POGLUT3: variants seen among roughly 807,000 people sequenced by gnomAD.
POGLUT3 encodes the protein protein O-glucosyltransferase 3, also known as KDEL (Lys-Asp-Glu-Leu) containing 2.
POGLUT3 carries 48 observed loss-of-function variants against 54.3 expected under a neutral mutation model. The ratio of observed to expected loss-of-function variants is 0.88; its 90% confidence interval spans 0.70 to 1.12. The LOEUF (loss-of-function observed/expected upper bound fraction) is 1.12, where lower values mean the gene tolerates loss of function less well. Among genes scored for constraint, POGLUT3 ranks in the 50% most tolerant of loss-of-function variants. POGLUT3 has a pLI of 0.00. For missense variants in POGLUT3, 629 were observed against 618.7 expected (o/e 1.02, Z -0.18); for synonymous variants, 218 against 237.4 (o/e 0.92, Z 0.75).
chr11:108,483,038 T>C (rs1027879537), intron 3 of POGLUT3, among the ~76,000 whole-genome samples: 2 of 152,364 alleles, frequency 1.3e-5, no homozygotes, highest in Admixed American at 1.3e-4. Context: ...CTAGGTGTTC[T>C]GATTCTGGGC....
At chr11:108,487,789 T>G (rs896976825) in intron 2 of POGLUT3, among the ~76,000 whole-genome samples, 2 of 151,880 alleles carry the variant, frequency 1.3e-5, no homozygotes, top group East Asian at 3.9e-4. Flanking sequence ...TTTTTGTATT[T>G]TTAGTAGAGA....
At position 108,472,256 on chromosome 11, in the gene POGLUT3, TTTA is replaced by T. The variant is rs2093570435; in HGVS notation, c.*2568_*2570del. On this transcript the variant is annotated 3_prime_UTR_variant, in exon 8 of 8. Coordinates refer to ENST00000323468, the MANE Select transcript of POGLUT3 (RefSeq NM_153705.5). Reference sequence around the variant, plus strand: ...TGTTCCTGTTTATATCTTTTGTGCATTTATTGTCTTTTCTAAGGTTGGCATTTT... The same window carrying T: ...TGTTCCTGTTTATATCTTTTGTGCATTTGTCTTTTCTAAGGTTGGCATTTT... 6.6e-6 allele frequency: 1 copy of T among 152,148 alleles called. No homozygotes were observed. Among genetic ancestry groups the T allele is most frequent in the Non-Finnish European group, 1.5e-5 (1 of 68,030 alleles). The allele number at this position is 152,148 out of a possible 1,614,324, so 9.4% of individuals were successfully genotyped here. A position where few individuals can be genotyped will look rare whatever the true frequency, so the allele number is the denominator to read the frequency against.
chr11:108,486,169 TG>T lies in POGLUT3; in HGVS notation c.671del (p.Ser224TyrfsTer2), dbSNP rs2135856243. The T allele has an allele frequency of 1.2e-6, 2 of 1,606,570 alleles. No homozygotes were observed. The highest frequency in any genetic ancestry group is 1.7e-6 in the Non-Finnish European group (2 of 1,174,006). On this transcript the variant is annotated frameshift_variant, in exon 3 of 8. Coordinates refer to ENST00000323468, the MANE Select transcript of POGLUT3 (RefSeq NM_153705.5). LOFTEE classifies it high-confidence loss of function. ...TTCATTCTCCTACCTTTCTTGTCAA[TG>T]ATAACAAAATCTCATCAGAGAACAT... The part of the protein sequence containing the change: ...FKMFSDEILL[S>X]LTRKVLLPDL...
At chr11:108,497,826 C>T (rs540627871) in intron 1 of POGLUT3, among the ~76,000 whole-genome samples, 3 of 152,336 alleles carry the variant, frequency 2.0e-5, no homozygotes, top group South Asian at 4.1e-4. Flanking sequence ...CCTGCAATCC[C>T]TCACAGTTCA....
At chr11:108,495,353 TG>T (rs1035941255) in intron 1 of POGLUT3, among the ~76,000 whole-genome samples, 5 of 152,144 alleles carry the variant, frequency 3.3e-5, no homozygotes, top group African/African-American at 7.2e-5. Context: ...TGGATTTTTT[TG>T]GTAGATGGGT....
intron 3 of POGLUT3, among the ~76,000 whole-genome samples, chr11:108,485,633 C>G (rs1446942923): frequency 8.7e-6 from 1 of 114,732 alleles, no homozygotes; most frequent in African/African-American, 3.4e-5. Context: ...CCACTTTATT[C>G]TATTTTATTT....
chr11:108,480,362 AC>A (rs755008870), intron 5 of POGLUT3, among the ~76,000 whole-genome samples: 8 of 152,218 alleles, frequency 5.3e-5, no homozygotes, highest in Non-Finnish European at 1.2e-4. Flanking sequence ...GGGTTAATAT[AC>A]TTTGTTTTCC....
intron 2 of POGLUT3, among the ~76,000 whole-genome samples, 171 bp downstream of exon 2, chr11:108,490,799 A>G (rs1431848548): frequency 1.3e-5 from 2 of 152,158 alleles, no homozygotes; most frequent in Non-Finnish European, 2.9e-5. Context: ...CTTATCATTT[A>G]AATCTCTTTA....
chr11:108,486,430 G>A lies in POGLUT3; in HGVS notation c.411C>T (p.Tyr137=), dbSNP rs1031640082. ...QSPYILKGPV[Y]HEYCECPEDP... is the part of the protein sequence containing the mutation. ...CTTCCGGACACTCACAGTACTCATG[G>A]TACACTGGTCCTAGGGAAGGAAAAC... The change falls in exon 3 of 8, where the codon TAC becomes TAT. Residue 137 remains tyrosine, a synonymous_variant. Coordinates refer to ENST00000323468, the MANE Select transcript of POGLUT3 (RefSeq NM_153705.5). The A allele has an allele frequency of 2.5e-6, 4 of 1,613,588 alleles. No homozygotes were observed. The highest frequency in any genetic ancestry group is 8.5e-7 in the Non-Finnish European group (1 of 1,179,652).
chr11:108,473,772 A>G lies in POGLUT3; in HGVS notation c.*1055T>C, dbSNP rs2093574765. 6.6e-6 allele frequency: 1 copy of G among 152,344 alleles called. No homozygotes were observed. Among genetic ancestry groups the G allele is most frequent in the Non-Finnish European group, 1.5e-5 (1 of 68,028 alleles). The allele number at this position is 152,344 out of a possible 1,614,324, so 9.4% of individuals were successfully genotyped here. A position where few individuals can be genotyped will look rare whatever the true frequency, so the allele number is the denominator to read the frequency against. ...TGAATGATGCCTATAGCATACCTTC[A>G]TCTATGTTAATAACTGTATTGTCTT... On this transcript the variant is annotated 3_prime_UTR_variant, in exon 8 of 8. Transcript: ENST00000323468.
intron 3 of POGLUT3, among the ~76,000 whole-genome samples, chr11:108,483,733 A>G (rs929047113): frequency 2.0e-4 from 31 of 152,216 alleles, no homozygotes; most frequent in African/African-American, 7.2e-4. Context: ...CAGTGGCGTG[A>G]TCTTGGCTCA....
chr11:108,481,068 C>T (rs947642856), intron 5 of POGLUT3, 112 bp downstream of exon 5: 2 of 743,398 alleles, frequency 2.7e-6, no homozygotes, highest in Non-Finnish European at 4.5e-6. Context: ...AAAGTGTGAA[C>T]ATGTGTGTCA....
At chr11:108,484,447 T>C (rs936802679) in intron 3 of POGLUT3, among the ~76,000 whole-genome samples, 1 of 152,188 alleles carries the variant, frequency 6.6e-6, no homozygotes, top group South Asian at 2.1e-4. Context: ...GTATAACATA[T>C]CAGGAAAACT....
chr11:108,476,485 A>G (rs2093582042), intron 7 of POGLUT3, among the ~76,000 whole-genome samples: 1 of 152,188 alleles, frequency 6.6e-6, no homozygotes, highest in South Asian at 2.1e-4. Flanking sequence ...AACAGAGGGG[A>G]CAGACCAATT....
chr11:108,484,670 C>T (rs1418161905), intron 3 of POGLUT3, among the ~76,000 whole-genome samples: 3 of 152,042 alleles, frequency 2.0e-5, no homozygotes, highest in African/African-American at 4.8e-5. Context: ...GCAGGAGAAT[C>T]GCTTGAACCC....
intron 1 of POGLUT3, among the ~76,000 whole-genome samples, chr11:108,494,160 C>T (rs531917584): frequency 3.3e-5 from 5 of 152,280 alleles, no homozygotes; most frequent in African/African-American, 1.2e-4. Flanking sequence ...CCCAAGGTCA[C>T]ATACATAATG....
chr11:108,477,792 G>C, intron 6 of POGLUT3, 81 bp from the exon 7 acceptor site: 1 of 879,614 alleles, frequency 1.1e-6, no homozygotes, highest in South Asian at 1.3e-5. Flanking sequence ...AGGTGGGACA[G>C]ATGTGGGGTT....
chr11:108,493,648 A>G, intron 1 of POGLUT3, among the ~76,000 whole-genome samples: 1 of 152,102 alleles, frequency 6.6e-6, no homozygotes, highest in South Asian at 2.1e-4. Flanking sequence ...TACTAAAAAT[A>G]CAAAAATTAG....
At position 108,474,727 on chromosome 11, in the gene POGLUT3, A is replaced by T; in HGVS notation, c.*100T>A. ...CATATATAAAGCCACCGGGAGAACT[A>T]GTCCACTTGGTGCAGTCTTCTATAC... On this transcript the variant is annotated 3_prime_UTR_variant, in exon 8 of 8. Coordinates refer to ENST00000323468, the MANE Select transcript of POGLUT3 (RefSeq NM_153705.5). The T allele has an allele frequency of 7.3e-7, 1 of 1,374,538 alleles. No individual in the cohort carries two copies. Among genetic ancestry groups the T allele is most frequent in the East Asian group, 2.3e-5 (1 of 42,896 alleles). The allele number at this position is 1,374,538 out of a possible 1,614,324, so 85.1% of individuals were successfully genotyped here. A position where few individuals can be genotyped will look rare whatever the true frequency, so the allele number is the denominator to read the frequency against.
Sources: gnomAD v4.1 joint callset for allele counts (sites outside exome capture counted in the v4.1 genomes callset) on GRCh38, gnomAD v4.1.1 for gene constraint, MANE v1.5 for transcripts, NCBI Gene and HGNC (gene_info 2026-07-23, HGNC 2026-07-21) for gene names.